YAP1: variants seen among roughly 807,000 people sequenced by gnomAD.
The protein encoded by YAP1 is Yes1 associated transcriptional regulator.
In YAP1, 5 loss-of-function variants were observed where a neutral mutation model predicts 56.9. The observed-to-expected ratio is 0.09, with a 90% CI of 0.05 to 0.18. The LOEUF (loss-of-function observed/expected upper bound fraction) is 0.18, where lower values mean the gene tolerates loss of function less well. Among genes scored for constraint, YAP1 ranks in the 10% least tolerant of loss-of-function variants. YAP1 has a pLI of 1.00. For synonymous variants in YAP1, 265 were observed against 248.1 expected (o/e 1.07, Z -0.64); for missense variants, 539 against 651.8 (o/e 0.83, Z 1.88).
intron 2 of YAP1, among the ~76,000 whole-genome samples, chr11:102,153,480 C>T (rs183561246): frequency 7.2e-5 from 11 of 152,254 alleles, no homozygotes; most frequent in African/African-American, 2.4e-4. Context: ...TCAGTCTTCT[C>T]ACCTTAAAAT....
intron 2 of YAP1, among the ~76,000 whole-genome samples, chr11:102,138,459 T>A (rs1279268636): frequency 6.6e-6 from 1 of 152,196 alleles, no homozygotes; most frequent in Non-Finnish European, 1.5e-5. Context: ...TAGTCCAGGC[T>A]TCCTTAGGTG....
chr11:102,177,462 C>G (rs1947325007), intron 3 of YAP1, among the ~76,000 whole-genome samples: 1 of 151,890 alleles, frequency 6.6e-6, no homozygotes, highest in South Asian at 2.1e-4. Context: ...GTGAAAGTTT[C>G]AAGGTCAAAA....
chr11:102,220,932 A>G (rs1278568770), intron 6 of YAP1, among the ~76,000 whole-genome samples: 1 of 152,234 alleles, frequency 6.6e-6, no homozygotes, highest in East Asian at 1.9e-4. Context: ...TGATGAATGC[A>G]GTTGGAATGA....
intron 2 of YAP1, among the ~76,000 whole-genome samples, chr11:102,152,201 T>G (rs945521544): frequency 6.6e-5 from 10 of 152,228 alleles, no homozygotes; most frequent in Non-Finnish European, 1.3e-4. Context: ...TATTATTGTA[T>G]TCAATCTGGT....
chr11:102,128,297 G>C lies in YAP1; in HGVS notation c.572+13903G>C, dbSNP rs1186898350. Among the ~76,000 whole-genome samples the C allele has an allele frequency of 2.0e-5, 3 of 152,108 alleles. No individual in the cohort carries two copies. The South Asian group carries it at 6.2e-4, about 32-fold the overall frequency. ...ACGTGTTGTGGGAGGGACTCGGCGGGGGGTAATTGAATTATGGGGTCTAGT... is the reference window on the plus strand; with the variant it reads ...ACGTGTTGTGGGAGGGACTCGGCGGCGGGTAATTGAATTATGGGGTCTAGT... On this transcript the variant is annotated intron_variant, in intron 2 of 8. Coordinates refer to ENST00000282441, the MANE Select transcript of YAP1 (RefSeq NM_001130145.3).
rs944657323 is a variant in YAP1, at chr11:102,110,480, A to AAGGG, written c.-365_-362dup. 3 of 155,464 alleles carry AAGGG rather than the reference A, an allele frequency of 1.9e-5. No homozygotes were observed. Among genetic ancestry groups the AAGGG allele is most frequent in the Non-Finnish European group, 4.3e-5 (3 of 70,350 alleles). The allele number at this position is 155,464 out of a possible 1,614,324, so 9.6% of individuals were successfully genotyped here. ...GGCGCAGCCGCCGCCAGGGAAAAGA[A>AAGGG]AGGGAGGAAGGAAGGAACAAGAAAA... On this transcript the variant is annotated 5_prime_UTR_variant, in exon 1 of 9. Coordinates refer to ENST00000282441, the MANE Select transcript of YAP1 (RefSeq NM_001130145.3).
chr11:102,197,804 G>A (rs1222459108), intron 4 of YAP1, among the ~76,000 whole-genome samples: 1 of 152,164 alleles, frequency 6.6e-6, no homozygotes, highest in Non-Finnish European at 1.5e-5. Flanking sequence ...GCCAGAGGAA[G>A]AAGTTGGTAA....
chr11:102,205,984 C>T lies in YAP1; in HGVS notation c.894C>T (p.Ser298=). The T allele has an allele frequency of 1.2e-6, 2 of 1,613,818 alleles. No individual in the cohort carries two copies. Among genetic ancestry groups the T allele is most frequent in the Non-Finnish European group, 1.7e-6 (2 of 1,179,964 alleles). The part of the protein sequence containing the change: ...QSPQGGVMGG[S]NSNQQQQMRL... ...CACAGGGAGGCGTCATGGGTGGCAG[C>T]AACTCCAACCAGCAGCAACAGATGC... is the stretch of plus-strand genomic sequence containing the variant. The change falls in exon 5 of 9, where the codon AGC becomes AGT. Residue 298 remains serine (S), a synonymous_variant. Transcript: ENST00000282441.
intron 2 of YAP1, among the ~76,000 whole-genome samples, chr11:102,157,054 T>C (rs781208946): frequency 1.3e-5 from 2 of 152,258 alleles, no homozygotes; most frequent in Admixed American, 6.5e-5. Flanking sequence ...TTTGCTTTTA[T>C]GTATTTCTGC....
chr11:102,133,191 T>G (rs61918365), intron 2 of YAP1, among the ~76,000 whole-genome samples: 1 of 151,612 alleles, frequency 6.6e-6, no homozygotes, highest in East Asian at 1.9e-4. Context: ...ACAAACAATT[T>G]GGTTTAAAAA....
In YAP1 at chr11:102,111,174, C is replaced by T. The variant is rs1312986846; in HGVS notation, c.321+5C>T. The T allele has an allele frequency of 5.6e-6, 9 of 1,611,212 alleles. No individual in the cohort carries two copies. The highest frequency in any genetic ancestry group is 6.8e-6 in the Non-Finnish European group (8 of 1,178,676). ...CCCAAATCCCACTCCCGACAGGTAA[C>T]CTCGTTGCCCCTCTCCCCGTTTCCC... is the stretch of plus-strand genomic sequence containing the variant. On this transcript the variant is annotated splice_donor_5th_base_variant and intron_variant, in intron 1 of 8. Coordinates refer to ENST00000282441, the MANE Select transcript of YAP1 (RefSeq NM_001130145.3).
At chr11:102,160,620 A>G (rs1468795632) in intron 2 of YAP1, among the ~76,000 whole-genome samples, 1 of 152,236 alleles carries the variant, frequency 6.6e-6, no homozygotes, top group Non-Finnish European at 1.5e-5. Flanking sequence ...CTTTGAGACC[A>G]GTAAGATGGA....
chr11:102,138,417 C>CT (rs909724339), intron 2 of YAP1, among the ~76,000 whole-genome samples: 2 of 152,108 alleles, frequency 1.3e-5, no homozygotes, highest in African/African-American at 4.8e-5. Flanking sequence ...TCATCTGGGC[C>CT]TTTCTTTTCA....
At chr11:102,204,255 T>C (rs1260256194) in intron 4 of YAP1, among the ~76,000 whole-genome samples, 1 of 150,422 alleles carries the variant, frequency 6.6e-6, no homozygotes, top group Non-Finnish European at 1.5e-5. Context: ...GGTGTGCTAA[T>C]GTAAAGAGAA....
intron 2 of YAP1, among the ~76,000 whole-genome samples, chr11:102,151,804 C>T (rs1393668126): frequency 6.6e-6 from 1 of 152,106 alleles, no homozygotes; most frequent in Non-Finnish European, 1.5e-5. Context: ...TGACAGGAGA[C>T]TTGAGTTCTA....
At chr11:102,118,926 A>G (rs768938129) in intron 2 of YAP1, among the ~76,000 whole-genome samples, 38 of 152,128 alleles carry the variant, frequency 2.5e-4, no homozygotes, top group Non-Finnish European at 5.1e-4. Flanking sequence ...TGTATCAAGT[A>G]TAACCCAGAG....
At chr11:102,224,398 A>G (rs1950092763) in intron 7 of YAP1, among the ~76,000 whole-genome samples, 1 of 152,244 alleles carries the variant, frequency 6.6e-6, no homozygotes, top group African/African-American at 2.4e-5. Flanking sequence ...TTCTTTGCCT[A>G]GGAAGTCATT....
rs145014556 is a variant in YAP1, at chr11:102,230,684, G to C, written c.*744G>C. 6.6e-6 allele frequency: 1 copy of C among 152,500 alleles called. No individual in the cohort carries two copies. The highest frequency in any genetic ancestry group is 1.9e-4 in the East Asian group (1 of 5,182). The allele number at this position is 152,500 out of a possible 1,614,324, so 9.4% of individuals were successfully genotyped here. On this transcript the variant is annotated 3_prime_UTR_variant, in exon 9 of 9. Transcript: ENST00000282441. ...TTTTTTGTTTTTTTTGTTTTTGGCA[G>C]GGTCGGTGGGGGGGTTGGTTGGTTG...
intron 6 of YAP1, among the ~76,000 whole-genome samples, chr11:102,210,845 C>T (rs548764288): frequency 1.7e-4 from 26 of 151,596 alleles, no homozygotes; most frequent in South Asian, 8.4e-4. Flanking sequence ...CTCCGCCTTC[C>T]GGGTTCACAC....
Sources: allele counts gnomAD v4.1 joint callset (sites outside exome capture counted in the v4.1 genomes callset), GRCh38; gene constraint gnomAD v4.1.1; transcripts MANE v1.5; gene names NCBI Gene and HGNC (gene_info 2026-07-23, HGNC 2026-07-21).